KCNK10: variants seen among roughly 807,000 people sequenced by gnomAD.
KCNK10 encodes the protein potassium channel subfamily K member 10.
In KCNK10, 25 loss-of-function variants were observed where a neutral mutation model predicts 47.7. The ratio of observed to expected loss-of-function variants is 0.52; its 90% CI spans 0.38 to 0.73. The LOEUF (loss-of-function observed/expected upper bound fraction) is 0.73. Among genes scored for constraint, KCNK10 ranks in the 30% least tolerant of loss-of-function variants. KCNK10 has a pLI of 0.00. For missense variants in KCNK10, 563 were observed against 714.5 expected (o/e 0.79, Z 2.42); for synonymous variants, 303 against 285.6 (o/e 1.06, Z -0.61).
At chr14:88,317,791 T>A (rs140337096) in intron 1 of KCNK10, among the ~76,000 whole-genome samples, 107 of 152,326 alleles carry the variant, frequency 7.0e-4, no homozygotes, top group African/African-American at 2.5e-3. Context: ...TTCTGTAAAC[T>A]GAAAGGTGCT....
At chr14:88,232,418 G>A (rs1886182937) in intron 3 of KCNK10, among the ~76,000 whole-genome samples, 1 of 152,178 alleles carries the variant, frequency 6.6e-6, no homozygotes, top group African/African-American at 2.4e-5. Context: ...TGGAAGAATT[G>A]CTGGGCTCTG....
chr14:88,283,996 T>G (rs530748903), intron 1 of KCNK10, among the ~76,000 whole-genome samples: 1 of 152,240 alleles, frequency 6.6e-6, no homozygotes, highest in South Asian at 2.1e-4. Context: ...TAAATATATA[T>G]TAAGTATTGC....
chr14:88,314,285 A>T lies in KCNK10; in HGVS notation c.52+8462T>A, dbSNP rs145467097. On this transcript the variant is annotated intron_variant, in intron 1 of 6. Coordinates refer to ENST00000319231, the MANE Select transcript of KCNK10 (RefSeq NM_138317.3). The stretch of plus-strand genomic sequence containing the variant: ...TATCAAAGAAGCCCAAGAAAGACCC[A>T]TCACTTTTTCTACCGTGTAAGGACA... 9.8e-4 allele frequency among the ~76,000 whole-genome samples: 149 copies of T among 152,238 alleles called. 1 individual carries two copies. The highest frequency in any genetic ancestry group is 3.6e-3 in the African/African-American group (148 of 41,552).
chr14:88,326,399 A>G (rs1209737697), upstream of KCNK10: 2 of 1,609,644 alleles, frequency 1.2e-6, no homozygotes, highest in East Asian at 4.5e-5. Flanking sequence ...TTGGTTATTT[A>G]CAAGCTGGAC....
intron 1 of KCNK10, among the ~76,000 whole-genome samples, chr14:88,287,525 T>C (rs1365803389): frequency 1.3e-5 from 2 of 152,194 alleles, no homozygotes; most frequent in Admixed American, 6.5e-5. Context: ...TGCATCCTCA[T>C]AGCTTAGCTC....
At chr14:88,297,738 T>G (rs894851170) in intron 1 of KCNK10, among the ~76,000 whole-genome samples, 5 of 152,222 alleles carry the variant, frequency 3.3e-5, no homozygotes, top group Non-Finnish European at 5.9e-5. Flanking sequence ...AGAATTGCTT[T>G]GCCCTATTCA....
At chr14:88,234,018 A>G (rs1346199122) in intron 3 of KCNK10, among the ~76,000 whole-genome samples, 1 of 152,222 alleles carries the variant, frequency 6.6e-6, no homozygotes, top group Admixed American at 6.5e-5. Flanking sequence ...ATCCTCCTAC[A>G]ATGCGTGACA....
Position 88,242,395 on chromosome 14 carries a change from G to A in KCNK10, c.403-1575C>T, listed in dbSNP as rs370345356. The stretch of plus-strand genomic sequence containing the variant: ...TTTTTTTAAATAATCTTTTAAATAT[G>A]CAAAAACCATTTTCAGCTCAGGGGT... On this transcript the variant is annotated intron_variant, in intron 2 of 6. Transcript: ENST00000319231. Among the ~76,000 whole-genome samples, 29 of 152,202 alleles carry A rather than the reference G, an allele frequency of 1.9e-4. No homozygotes were observed. The South Asian group carries it at 5.2e-3, about 27-fold the overall frequency.
At chr14:88,240,247 A>G (rs751672083) in intron 3 of KCNK10, among the ~76,000 whole-genome samples, 8 of 152,212 alleles carry the variant, frequency 5.3e-5, no homozygotes, top group Non-Finnish European at 7.3e-5. Flanking sequence ...ATTTAAAGAC[A>G]TGGGGATGAG....
rs1884626452 is a variant in KCNK10 at position 88,187,969 on chromosome 14, C to G, written c.1009G>C (p.Glu337Gln). 6.2e-7 allele frequency: 1 copy of G among 1,613,968 alleles called. No homozygotes were observed. The highest frequency in any genetic ancestry group is 8.5e-7 in the Non-Finnish European group (1 of 1,180,022). Residue 337 changes from glutamate (E) to glutamine (Q), a missense_variant and splice_region_variant, in exon 6 of 7, where the codon GAG becomes CAG. Glu to Gln is a conservative substitution (Grantham distance 29). Coordinates refer to ENST00000319231, the MANE Select transcript of KCNK10 (RefSeq NM_138317.3). ...LRVLSKKTKE[E>Q]VGEIKAHAAE... The stretch of plus-strand genomic sequence containing the variant: ...ATAGGGTTAGGAAGGGGTCCTACCT[C>G]TTCTTTTGTCTTTTTGGACAGAACC...
chr14:88,238,648 T>C (rs1457067272), intron 3 of KCNK10, among the ~76,000 whole-genome samples: 1 of 152,194 alleles, frequency 6.6e-6, no homozygotes, highest in Non-Finnish European at 1.5e-5. Flanking sequence ...CACTCCTGCG[T>C]GGGTGACACA....
chr14:88,318,520 A>G (rs1175876016), intron 1 of KCNK10, among the ~76,000 whole-genome samples: 2 of 152,216 alleles, frequency 1.3e-5, no homozygotes, highest in Admixed American at 1.3e-4. Context: ...GGTCTTTCAG[A>G]TAAGACAGGG....
chr14:88,235,435 A>G (rs1886273964), intron 3 of KCNK10: 1 of 337,882 alleles, frequency 3.0e-6, no homozygotes, highest in Non-Finnish European at 5.9e-6. Context: ...ACCAAGTATG[A>G]AATAATCATC....
chr14:88,212,918 G>A (rs571790877), intron 4 of KCNK10, among the ~76,000 whole-genome samples: 2 of 152,350 alleles, frequency 1.3e-5, no homozygotes, highest in African/African-American at 2.4e-5. Flanking sequence ...AAAGCCATCA[G>A]AGCCTGCTCA....
intron 4 of KCNK10, among the ~76,000 whole-genome samples, chr14:88,204,121 C>T (rs1885189299): frequency 6.6e-6 from 1 of 152,042 alleles, no homozygotes; most frequent in Non-Finnish European, 1.5e-5. Flanking sequence ...TCTTTGTAGT[C>T]TTTGTGATGA....
At chr14:88,246,204 G>A (rs921382651) in intron 2 of KCNK10, among the ~76,000 whole-genome samples, 6 of 150,946 alleles carry the variant, frequency 4.0e-5, no homozygotes, top group Non-Finnish European at 5.9e-5. Flanking sequence ...CTGAGCTTGC[G>A]GTGAGCCCAG....
At chr14:88,323,493 C>T (rs1369715987), upstream of KCNK10, among the ~76,000 whole-genome samples, 1 of 149,850 alleles carries the variant, frequency 6.7e-6, no homozygotes, top group Non-Finnish European at 1.5e-5. Flanking sequence ...CGGACCGAGG[C>T]TCCCAGCTGG....
At chr14:88,311,305 C>T (rs964971721) in intron 1 of KCNK10, among the ~76,000 whole-genome samples, 1 of 151,600 alleles carries the variant, frequency 6.6e-6, no homozygotes, top group Non-Finnish European at 1.5e-5. Flanking sequence ...CCTCCCACTT[C>T]AAATCAATCA....
intron 4 of KCNK10, 142 bp downstream of exon 4, chr14:88,227,233 G>T: frequency 3.0e-6 from 2 of 670,146 alleles, no homozygotes; most frequent in East Asian, 3.0e-5. Flanking sequence ...GACTTCCATT[G>T]GCCAAAACAG....
Sources: allele counts gnomAD v4.1 joint callset (sites outside exome capture counted in the v4.1 genomes callset), GRCh38; gene constraint gnomAD v4.1.1; transcripts MANE v1.5; gene names NCBI Gene and HGNC (gene_info 2026-07-23, HGNC 2026-07-21).